Variants in EZH1 observed in about 807,000 individuals in gnomAD.
EZH1 encodes histone-lysine N-methyltransferase EZH1.
Under a neutral mutation model 100.5 loss-of-function variants are expected in EZH1, and 33 were observed. That is an observed-to-expected ratio of 0.33 (90% CI 0.25 to 0.44). EZH1 has a LOEUF of 0.44. Ranked by LOEUF, EZH1 falls within the 20% of genes least tolerant of loss-of-function variation. EZH1 has a pLI of 1.00. For synonymous variants in EZH1, 272 were observed against 313.8 expected (o/e 0.87, Z 1.41); for missense variants, 475 against 928.4 (o/e 0.51, Z 6.35).
intron 7 of EZH1, 80 bp downstream of exon 7, chr17:42,720,193 G>A (rs1360433123): frequency 6.1e-6 from 9 of 1,470,408 alleles, no homozygotes; most frequent in East Asian, 2.3e-5. Flanking sequence ...GCCTTTAATA[G>A]GCAACAAATC....
At chr17:42,707,849 G>GGGGA (rs1211382358) in intron 15 of EZH1, 109 bp downstream of exon 15, 3 of 1,330,066 alleles carry the variant, frequency 2.3e-6, no homozygotes, top group Non-Finnish European at 3.2e-6. Context: ...ACACAGCAAA[G>GGGGA]GGGATATCAG....
Position 42,720,323 on chromosome 17 carries a change from C to T in EZH1, c.614G>A (p.Ser205Asn), listed in dbSNP as rs2143795687. 1 of 1,614,156 alleles carries T rather than the reference C, an allele frequency of 6.2e-7. No individual in the cohort carries two copies. ...TCTTGTTACTGGCAGATCTTCTTTG[C>T]TGTCATCCTGCTTTCCATCTGAGGT... ...NDTSDGKQDD[S>N]KEDLPVTRKR... The change falls in exon 7 of 21, where the codon AGC (serine) becomes AAC (asparagine). Residue 205 changes from serine (S) to asparagine (N), a missense_variant. Transcript: ENST00000428826.
At chr17:42,738,711 C>G (rs1485906537) in intron 1 of EZH1, among the ~76,000 whole-genome samples, 1 of 150,856 alleles carries the variant, frequency 6.6e-6, no homozygotes, top group Admixed American at 6.6e-5. Context: ...CTTGGCCTCC[C>G]AAAGTGCTGG....
rs1197942975 is a variant in EZH1, at chr17:42,727,673, A to C, written c.208T>G (p.Ser70Ala). ...WKKLRVQPVQ[S>A]MKPVSGHPFL... ...GGGTGTCCACTCACAGGCTTCATTG[A>C]CTGAACAGGTTGGACACGAAGCTTC... Residue 70 changes from serine (S) to alanine (A), a missense_variant, in exon 4 of 21, where the codon TCA (serine) becomes GCA (alanine). By Grantham distance (99) the Ser-to-Ala change is moderately conservative. Coordinates refer to ENST00000428826, the MANE Select transcript of EZH1 (RefSeq NM_001991.5). The C allele has an allele frequency of 6.2e-7, 1 of 1,612,970 alleles. No individual in the cohort carries two copies. Among genetic ancestry groups the C allele is most frequent in the South Asian group, 1.1e-5 (1 of 90,862 alleles).
At chr17:42,738,421 T>A (rs1376737813) in intron 1 of EZH1, among the ~76,000 whole-genome samples, 6 of 151,952 alleles carry the variant, frequency 3.9e-5, no homozygotes, top group South Asian at 2.1e-4. Context: ...TTTTATTTTT[T>A]AATTTTATTT....
chr17:42,741,782 G>A (rs1331003090), intron 1 of EZH1, among the ~76,000 whole-genome samples: 1 of 151,252 alleles, frequency 6.6e-6, no homozygotes, highest in Admixed American at 6.6e-5. Flanking sequence ...TCTGCCTCCT[G>A]GGCTCAAGCA....
Position 42,702,311 on chromosome 17 carries a change from C to T in EZH1, c.*221G>A, listed in dbSNP as rs940137753. On this transcript the variant is annotated 3_prime_UTR_variant, in exon 21 of 21. Transcript: ENST00000428826. ...GAGAAACAGTCTCCCATTTCTGTAA[C>T]TCTCTGTCCTGGGAGACCAAGCCCT... The T allele has an allele frequency of 6.7e-6, 3 of 448,986 alleles. No individual in the cohort carries two copies. Among genetic ancestry groups the T allele is most frequent in the Non-Finnish European group, 1.2e-5 (3 of 250,946 alleles). 27.8% of individuals were successfully genotyped at this position (448,986 alleles called of 1,614,324 possible). A position where few individuals can be genotyped will look rare whatever the true frequency, so the allele number is the denominator to read the frequency against.
At chr17:42,704,356 T>A (rs1370661376) in intron 18 of EZH1, among the ~76,000 whole-genome samples, 1 of 152,034 alleles carries the variant, frequency 6.6e-6, no homozygotes, top group African/African-American at 2.4e-5. Flanking sequence ...CTGGCCAACA[T>A]GGTGAAACCC....
At chr17:42,735,313 A>G (rs904934729) in intron 1 of EZH1, among the ~76,000 whole-genome samples, 1 of 152,034 alleles carries the variant, frequency 6.6e-6, no homozygotes, top group Non-Finnish European at 1.5e-5. Flanking sequence ...AAACTCAGCC[A>G]TAAGATGAGT....
chr17:42,720,269 G>A lies in EZH1; in HGVS notation c.664+4C>T, dbSNP rs373168414. On this transcript the variant is annotated splice_donor_region_variant and intron_variant, in intron 7 of 20. Transcript: ENST00000428826. The stretch of plus-strand genomic sequence containing the variant: ...AAAGGAATAAGGGAGCCAGTGCTAC[G>A]TACCTTCAATAGCATGTCGCTTTCT... The A allele has an allele frequency of 4.2e-5, 68 of 1,611,582 alleles. 1 individual carries two copies. The highest frequency in any genetic ancestry group is 1.7e-4 in the African/African-American group (13 of 74,834).
At chr17:42,714,248 T>C (rs1167927382) in intron 10 of EZH1, 1 of 169,942 alleles carries the variant, frequency 5.9e-6, no homozygotes, top group African/African-American at 2.4e-5. Context: ...TAAATCTATT[T>C]CTACAAAATA....
chr17:42,720,480 T>G, intron 6 of EZH1, 31 bp from the exon 7 acceptor site: 1 of 1,586,882 alleles, frequency 6.3e-7, no homozygotes, highest in Non-Finnish European at 8.6e-7. Context: ...AGATGAGCAG[T>G]GGTCACTTCA....
At chr17:42,734,434 G>T (rs2054023340) in intron 1 of EZH1, among the ~76,000 whole-genome samples, 1 of 151,786 alleles carries the variant, frequency 6.6e-6, no homozygotes, top group South Asian at 2.1e-4. Flanking sequence ...GTAAGCTTAG[G>T]TTTCTCCACG....
chr17:42,725,274 CTTT>C (rs891372461), intron 4 of EZH1, among the ~76,000 whole-genome samples: 1 of 145,302 alleles, frequency 6.9e-6, no homozygotes, highest in African/African-American at 2.5e-5. Flanking sequence ...AGTAGAAACT[CTTT>C]TTTTTTTTTT....
chr17:42,739,894 C>T (rs1275651546), intron 1 of EZH1, among the ~76,000 whole-genome samples: 2 of 151,726 alleles, frequency 1.3e-5, no homozygotes, highest in East Asian at 3.9e-4. Context: ...CGCCATTCTC[C>T]TGCCTCAGCC....
chr17:42,731,196 C>T (rs887581032), intron 1 of EZH1, among the ~76,000 whole-genome samples: 12 of 152,048 alleles, frequency 7.9e-5, no homozygotes, highest in East Asian at 7.7e-4. Flanking sequence ...TGGCTCACTG[C>T]AACCTCCGCC....
At chr17:42,713,876 T>C (rs920384380) in intron 10 of EZH1, among the ~76,000 whole-genome samples, 10 of 152,228 alleles carry the variant, frequency 6.6e-5, no homozygotes, top group African/African-American at 1.9e-4. Flanking sequence ...GAACACATTC[T>C]CCTATGGATG....
intron 10 of EZH1, among the ~76,000 whole-genome samples, chr17:42,715,285 T>TA (rs2053580686): frequency 1.4e-5 from 2 of 146,920 alleles, no homozygotes; most frequent in African/African-American, 2.5e-5. Flanking sequence ...TATATATATA[T>TA]TTTTTTGAGA....
rs191271921 is a variant in EZH1 at position 42,737,043 on chromosome 17, T to C, written c.-102-6125A>G. ...CTCTGTCGCCCAGGCTGGAGTGTAATGATGCAATCTCGGCTCACTGCAACC... is the reference window on the plus strand; with the variant it reads ...CTCTGTCGCCCAGGCTGGAGTGTAACGATGCAATCTCGGCTCACTGCAACC... On this transcript the variant is annotated intron_variant, in intron 1 of 20. Transcript: ENST00000428826. 3.8e-4 allele frequency among the ~76,000 whole-genome samples: 57 copies of C among 149,382 alleles called. 1 individual carries two copies. The East Asian group carries it at 0.011, about 29-fold the overall frequency.
Sources: allele counts gnomAD v4.1 joint callset (sites outside exome capture counted in the v4.1 genomes callset), GRCh38; gene constraint gnomAD v4.1.1; transcripts MANE v1.5; gene names NCBI Gene and HGNC (gene_info 2026-07-23, HGNC 2026-07-21).